The following CA11 variants were observed in gnomAD, a reference collection of about 807,000 sequenced individuals.
CA11 encodes carbonic anhydrase 11 (inactive).
Under a neutral mutation model 39.3 loss-of-function variants are expected in CA11, and 20 were observed. That is an observed-to-expected ratio of 0.51 (90% confidence interval 0.36 to 0.74). The LOEUF is 0.74. CA11 is among the 30% of genes least tolerant of loss of function. The probability of loss-of-function intolerance (pLI) is 0.00; values close to 1 mark genes in which losing one functional copy is unlikely to be tolerated. For missense variants in CA11, 336 were observed against 424.6 expected, an observed-to-expected ratio of 0.79 and a Z score of 1.83; for synonymous variants, 166 against 172.5, an observed-to-expected ratio of 0.96 and a Z score of 0.29.
intron 8 of CA11, chr19:48,638,519 G>A: frequency 3.0e-6 from 1 of 333,794 alleles, no homozygotes. Flanking sequence ...TCAGATTGTG[G>A]AACAGCGTAA....
chr19:48,641,321 C>T (rs1418152480), intron 3 of CA11, among the ~76,000 whole-genome samples: 1 of 152,216 alleles, frequency 6.6e-6, no homozygotes, highest in Admixed American at 6.5e-5. Context: ...TGAACACTGA[C>T]CACTTTCCAG....
chr19:48,644,682 G>C (rs370935049), intron 2 of CA11, 113 bp from the exon 3 acceptor site: 2 of 874,040 alleles, frequency 2.3e-6, no homozygotes, highest in African/African-American at 3.4e-5. Flanking sequence ...AGGGGAGGAG[G>C]GGCTAGGGAC....
chr19:48,639,153 G>A, intron 7 of CA11, 100 bp from the exon 8 acceptor site: 1 of 1,537,406 alleles, frequency 6.5e-7, no homozygotes, highest in Admixed American at 1.8e-5. Context: ...GGCGGGGTCT[G>A]TTCTCAGCCC....
At position 48,643,630 on chromosome 19, in the gene CA11, CAAAAAAAA is replaced by C. The variant is rs1169751929; in HGVS notation, c.285+789_285+796del. On this transcript the variant is annotated intron_variant, in intron 3 of 8. Transcript: ENST00000084798. The surrounding 1 kb of genome is among the most constrained non-coding windows in gnomAD (Gnocchi z 4.3). The stretch of plus-strand genomic sequence containing the variant: ...GGGTCACAGAGTGAGATCCCAATTC[CAAAAAAAA>C]AAAAAAAAAGTATGGTTCCCAGCAT... Among the ~76,000 whole-genome samples, 2 of 109,412 alleles carry C rather than the reference CAAAAAAAA, an allele frequency of 1.8e-5. No individual in the cohort carries two copies. Among genetic ancestry groups the C allele is most frequent in the African/African-American group, 6.9e-5 (2 of 29,024 alleles). 71.8% of individuals were successfully genotyped at this position (109,412 alleles called of 152,430 possible).
rs2031017970 is a variant in CA11, at chr19:48,640,021, C to A, written c.471+74G>T. Reference sequence around the variant, plus strand: ...CTGTGGAGGAGGATGGGGTGAGACACTAAGAGGGTGAGGTGGGAGGAATTG... The same window carrying A: ...CTGTGGAGGAGGATGGGGTGAGACAATAAGAGGGTGAGGTGGGAGGAATTG... On this transcript the variant is annotated intron_variant, in intron 4 of 8. Transcript: ENST00000084798. The A allele has an allele frequency of 3.9e-6, 6 of 1,540,230 alleles. No homozygotes were observed. In the Admixed American group the frequency reaches 5.1e-5, roughly 13 times the overall value.
intron 7 of CA11, 92 bp downstream of exon 7, chr19:48,639,213 A>C (rs1467251746): frequency 6.5e-7 from 1 of 1,548,816 alleles, no homozygotes; most frequent in Admixed American, 1.7e-5. Flanking sequence ...AGTTCAGTCT[A>C]TGAGGAGAGG....
At chr19:48,640,033 G>A (rs2031018279) in intron 4 of CA11, 62 bp downstream of exon 4, 1 of 1,556,300 alleles carries the variant, frequency 6.4e-7, no homozygotes, top group African/African-American at 1.4e-5. Flanking sequence ...AAGAGGGTGA[G>A]GTGGGAGGAA....
In CA11 at chr19:48,643,353, G is replaced by C. The variant is rs977268090; in HGVS notation, c.285+1074C>G. ...GCCTCTCAAGTAGCTGGGATTACAGGCACATGCCACCACACCCGGCTAATT... is the reference window on the plus strand; with the variant it reads ...GCCTCTCAAGTAGCTGGGATTACAGCCACATGCCACCACACCCGGCTAATT... On this transcript the variant is annotated intron_variant, in intron 3 of 8. Coordinates refer to ENST00000084798, the MANE Select transcript of CA11 (RefSeq NM_001217.5). The surrounding 1 kb of genome is among the most constrained non-coding windows in gnomAD (Gnocchi z 4.3). Among the ~76,000 whole-genome samples the C allele has an allele frequency of 6.6e-6, 1 of 152,154 alleles. No individual in the cohort carries two copies. The highest frequency in any genetic ancestry group is 1.5e-5 in the Non-Finnish European group (1 of 68,022).
chr19:48,645,752 G>A lies in CA11; in HGVS notation c.-120C>T. The A allele has an allele frequency of 1.3e-6, 1 of 767,602 alleles. No individual in the cohort carries two copies. The highest frequency in any genetic ancestry group is 2.0e-6 in the Non-Finnish European group (1 of 510,550). The allele number at this position is 767,602 out of a possible 1,614,324, so 47.5% of individuals were successfully genotyped here. A position where few individuals can be genotyped will look rare whatever the true frequency, so the allele number is the denominator to read the frequency against. On this transcript the variant is annotated 5_prime_UTR_variant, in exon 1 of 9. Transcript: ENST00000084798. Reference sequence around the variant, plus strand: ...TTCCAGCTTTCCTCTCCTCCCCACAGGGAGTCCCAGTTCCCCAAATGCCAA... The same window carrying A: ...TTCCAGCTTTCCTCTCCTCCCCACAAGGAGTCCCAGTTCCCCAAATGCCAA...
In CA11 at chr19:48,646,013, C is replaced by G. The variant is rs1173258123; in HGVS notation, c.-381G>C. The G allele has an allele frequency of 2.5e-6, 1 of 403,606 alleles. No homozygotes were observed. The highest frequency in any genetic ancestry group is 4.4e-6 in the Non-Finnish European group (1 of 228,914). 25.0% of individuals were successfully genotyped at this position (403,606 alleles called of 1,614,324 possible). ...TCTCCCAAGCCACCTAACTCCAGGTCTCCATCCCGCATCTCCTCCTCCTCC... is the reference window on the plus strand; with the variant it reads ...TCTCCCAAGCCACCTAACTCCAGGTGTCCATCCCGCATCTCCTCCTCCTCC... On this transcript the variant is annotated 5_prime_UTR_variant, in exon 1 of 9. Coordinates refer to ENST00000084798, the MANE Select transcript of CA11 (RefSeq NM_001217.5).
chr19:48,640,211 C>T lies in CA11; in HGVS notation c.355G>A (p.Val119Met). Residue 119 changes from valine (V) to methionine (M), a missense_variant, in exon 4 of 9, where the codon GTG becomes ATG. Coordinates refer to ENST00000084798, the MANE Select transcript of CA11 (RefSeq NM_001217.5). ...FLPAPRPVVN[V>M]SGGPLLYSHR... The stretch of plus-strand genomic sequence containing the variant: ...CTGTAAAGGAGGGGACCTCCAGACA[C>T]ATTGACCACAGGTCGGGGTGCAGGC... 6.2e-7 allele frequency: 1 copy of T among 1,614,034 alleles called. No homozygotes were observed. Among genetic ancestry groups the T allele is most frequent in the Non-Finnish European group, 8.5e-7 (1 of 1,179,970 alleles).
chr19:48,637,960 C>T lies in CA11; in HGVS notation c.*159G>A, dbSNP rs1008412538. On this transcript the variant is annotated 3_prime_UTR_variant, in exon 9 of 9. Transcript: ENST00000084798. ...AGGAAGATTGGTTTCCGGAAGAAGT[C>T]TGTTCTTTAATACCCAAATGTTTCC... 6.6e-6 allele frequency: 3 copies of T among 455,508 alleles called. No individual in the cohort carries two copies. Among genetic ancestry groups the T allele is most frequent in the African/African-American group, 6.1e-5 (3 of 49,162 alleles). The allele number at this position is 455,508 out of a possible 1,614,324, so 28.2% of individuals were successfully genotyped here. A position where few individuals can be genotyped will look rare whatever the true frequency, so the allele number is the denominator to read the frequency against.
At chr19:48,645,094 G>C (rs984197233) in intron 2 of CA11, among the ~76,000 whole-genome samples, 5 of 152,140 alleles carry the variant, frequency 3.3e-5, no homozygotes, top group Non-Finnish European at 7.4e-5. Context: ...TGGACAAGGT[G>C]GGGGACGGGG....
Position 48,639,449 on chromosome 19 carries a change from G to A in CA11, c.651C>T (p.Tyr217=), listed in dbSNP as rs773065782. The A allele has an allele frequency of 1.6e-5, 26 of 1,613,942 alleles. No homozygotes were observed. Among genetic ancestry groups the A allele is most frequent in the South Asian group, 6.6e-5 (6 of 91,082 alleles). Residue 217 remains tyrosine (Y), a synonymous_variant, in exon 7 of 9, where the codon TAC becomes TAT. Coordinates refer to ENST00000084798, the MANE Select transcript of CA11 (RefSeq NM_001217.5). ...GCTCCAGGCTCAGGTCTTGAAGAAAGTAGGCATCATCTGCGGGAATATCAG... is the reference window on the plus strand; with the variant it reads ...GCTCCAGGCTCAGGTCTTGAAGAAAATAGGCATCATCTGCGGGAATATCAG... The part of the protein sequence containing the change: ...ITRISYKNDA[Y]FLQDLSLELL...
chr19:48,638,417 GGT>G, intron 8 of CA11: 3 of 1,037,120 alleles, frequency 2.9e-6, no homozygotes, highest in Non-Finnish European at 3.5e-6. Flanking sequence ...CGAAGCCGGG[GGT>G]GTGTGAGATT....
Position 48,639,045 on chromosome 19 carries a change from G to T in CA11, c.804C>A (p.Ser268=). ...GAGGATTCTGGCTCAGGAGTCTCAGGGAGTGCATCTGCAGTGGAAGGAGGG... is the reference window on the plus strand; with the variant it reads ...GAGGATTCTGGCTCAGGAGTCTCAGTGAGTGCATCTGCAGTGGAAGGAGGG... The part of the protein sequence containing the change: ...ALNITSLQMH[S]LRLLSQNPPS... Residue 268 remains serine (S), a synonymous_variant, in exon 8 of 9, where the codon TCC becomes TCA. Transcript: ENST00000084798. The T allele has an allele frequency of 6.2e-7, 1 of 1,613,948 alleles. No homozygotes were observed. The highest frequency in any genetic ancestry group is 1.3e-5 in the African/African-American group (1 of 75,006).
intron 7 of CA11, 101 bp downstream of exon 7, chr19:48,639,204 G>C (rs1264643030): frequency 6.5e-7 from 1 of 1,540,600 alleles, no homozygotes; most frequent in Non-Finnish European, 8.9e-7. Context: ...ACCTACTTGA[G>C]TTCAGTCTAT....
intron 3 of CA11, among the ~76,000 whole-genome samples, chr19:48,642,413 C>T (rs2031115739): frequency 6.6e-6 from 1 of 152,104 alleles, no homozygotes; most frequent in Admixed American, 6.6e-5. Flanking sequence ...GCAGGAGAAT[C>T]GCTTGATCCT....
At chr19:48,644,667 A>T in intron 2 of CA11, 98 bp from the exon 3 acceptor site, 2 of 1,051,578 alleles carry the variant, frequency 1.9e-6, no homozygotes, top group Non-Finnish European at 2.6e-6. Flanking sequence ...GGACTCCCAG[A>T]TCCCAGGGGA....
Sources: allele counts gnomAD v4.1 joint callset (sites outside exome capture counted in the v4.1 genomes callset), GRCh38; gene constraint gnomAD v4.1.1; non-coding constraint Gnocchi (gnomAD v3.1); transcripts MANE v1.5; gene names NCBI Gene and HGNC (gene_info 2026-07-23, HGNC 2026-07-21).